The following PTPN9 variants were observed in gnomAD, a reference collection of about 807,000 sequenced individuals.
PTPN9 encodes the protein protein tyrosine phosphatase non-receptor type 9.
Under a neutral mutation model 69.8 loss-of-function variants are expected in PTPN9, and 26 were observed. The ratio of observed to expected loss-of-function variants is 0.37; its 90% confidence interval spans 0.27 to 0.52. The LOEUF is 0.52. Ranked by LOEUF, PTPN9 falls within the 20% of genes least tolerant of loss-of-function variation. PTPN9 has a pLI of 0.91. For synonymous variants in PTPN9, 274 were observed against 272.5 expected, an observed-to-expected ratio of 1.01 and a Z score of -0.05; for missense variants, 549 against 740.3, an observed-to-expected ratio of 0.74 and a Z score of 3.00.
intron 2 of PTPN9, among the ~76,000 whole-genome samples, chr15:75,525,798 G>A (rs555129253): frequency 1.3e-5 from 2 of 151,280 alleles, no homozygotes; most frequent in Admixed American, 1.3e-4. Context: ...GCATGCCTGT[G>A]GTCCCAGCTA....
Position 75,490,320 on chromosome 15 carries a change from ACAAG to A in PTPN9, c.969-23_969-20del, listed in dbSNP as rs1567477342. ...TGGAGACCTGAAGGAAACGAAACAA[ACAAG>A]CAAGAATAAAGAAAAAGTGGGGACA... On this transcript the variant is annotated intron_variant, in intron 7 of 12. Coordinates refer to ENST00000618819, the MANE Select transcript of PTPN9 (RefSeq NM_002833.4). The A allele has an allele frequency of 6.5e-7, 1 of 1,549,942 alleles. No homozygotes were observed. The highest frequency in any genetic ancestry group is 1.7e-5 in the Admixed American group (1 of 59,886).
At chr15:75,575,937 A>C (rs2141348107) in intron 1 of PTPN9, among the ~76,000 whole-genome samples, 1 of 141,982 alleles carries the variant, frequency 7.0e-6, no homozygotes, top group South Asian at 2.3e-4. Context: ...AAAAAAAAAA[A>C]AAAAGAGTAC....
chr15:75,489,760 A>G (rs1157885117), intron 8 of PTPN9, among the ~76,000 whole-genome samples: 1 of 152,224 alleles, frequency 6.6e-6, no homozygotes, highest in Non-Finnish European at 1.5e-5. Context: ...TGACCATTTC[A>G]TCTCTATCCC....
Position 75,469,910 on chromosome 15 carries a change from G to C in PTPN9, c.1449C>G (p.Phe483Leu). Residue 483 changes from phenylalanine (F) to leucine (L), a missense_variant, in exon 12 of 13, where the codon TTC becomes TTG. By Grantham distance (22) the Phe-to-Leu change is conservative (BLOSUM62 0). Transcript: ENST00000618819. ...VPSSAASLID[F>L]LRVVRNQQSL... ...TCTGCTGGTTTCTGACCACTCTCAAGAAGTCAATGAGGGAAGCTGCTGAGG... is the reference window on the plus strand; with the variant it reads ...TCTGCTGGTTTCTGACCACTCTCAACAAGTCAATGAGGGAAGCTGCTGAGG... 2 of 1,614,214 alleles carry C rather than the reference G, an allele frequency of 1.2e-6. No individual in the cohort carries two copies. Among genetic ancestry groups the C allele is most frequent in the Non-Finnish European group, 1.7e-6 (2 of 1,180,020 alleles).
chr15:75,508,039 CAAAAAAAAAA>C (rs990909256), intron 6 of PTPN9, among the ~76,000 whole-genome samples: 5 of 37,380 alleles, frequency 1.3e-4, no homozygotes, highest in Middle Eastern at 0.019. Flanking sequence ...GAGACACTCT[CAAAAAAAAAA>C]AAAAAAAAAA....
At chr15:75,532,629 A>G (rs1303743977) in intron 1 of PTPN9, among the ~76,000 whole-genome samples, 1 of 152,184 alleles carries the variant, frequency 6.6e-6, no homozygotes, top group Non-Finnish European at 1.5e-5. Context: ...AAGCACAGGA[A>G]CAATTCCTCC....
chr15:75,467,937 G>C lies in PTPN9; in HGVS notation c.*832C>G, dbSNP rs2074543714. 6.6e-6 allele frequency: 1 copy of C among 152,662 alleles called. No individual in the cohort carries two copies. Among genetic ancestry groups the C allele is most frequent in the African/African-American group, 2.4e-5 (1 of 41,466 alleles). 9.5% of individuals were successfully genotyped at this position (152,662 alleles called of 1,614,324 possible). On this transcript the variant is annotated 3_prime_UTR_variant, in exon 13 of 13. Coordinates refer to ENST00000618819, the MANE Select transcript of PTPN9 (RefSeq NM_002833.4). ...ACTAATACATTCTTGGCTCCAACAGGTGGCAACTGGAAGGAGATAAGTCAT... is the reference window on the plus strand; with the variant it reads ...ACTAATACATTCTTGGCTCCAACAGCTGGCAACTGGAAGGAGATAAGTCAT...
At position 75,565,811 on chromosome 15, in the gene PTPN9, G is replaced by A. The variant is rs142429597; in HGVS notation, c.63+12903C>T. Among the ~76,000 whole-genome samples the A allele has an allele frequency of 6.6e-5, 10 of 152,240 alleles. No individual in the cohort carries two copies. The East Asian group carries it at 1.9e-3, about 29-fold the overall frequency. On this transcript the variant is annotated intron_variant, in intron 1 of 12. Transcript: ENST00000618819. ...CCACCAGTGCACCTAAAGGTAATGT[G>A]TAACCTAGAAAGAAGAAATGAACCA...
At chr15:75,517,880 T>C (rs1476103864) in intron 4 of PTPN9, among the ~76,000 whole-genome samples, 2 of 151,094 alleles carry the variant, frequency 1.3e-5, no homozygotes, top group Non-Finnish European at 2.9e-5. Context: ...CAACAATCCC[T>C]AGCACAGCCC....
chr15:75,498,547 T>G (rs1389140964), intron 7 of PTPN9, among the ~76,000 whole-genome samples: 1 of 151,866 alleles, frequency 6.6e-6, no homozygotes, highest in Non-Finnish European at 1.5e-5. Context: ...AAACCCTGAC[T>G]GTAGTAAAAA....
At chr15:75,508,876 A>G in intron 6 of PTPN9, 41 bp downstream of exon 6, 1 of 1,421,230 alleles carries the variant, frequency 7.0e-7, no homozygotes, top group Non-Finnish European at 9.9e-7. Flanking sequence ...AATTCACTGT[A>G]TCTATTCACC....
intron 10 of PTPN9, among the ~76,000 whole-genome samples, chr15:75,471,253 T>G (rs2074563086): frequency 6.7e-6 from 1 of 150,222 alleles, no homozygotes; most frequent in African/African-American, 2.5e-5. Flanking sequence ...CTGGGTAACA[T>G]CATGAGACTC....
At chr15:75,498,200 A>AAT (rs370709844) in intron 7 of PTPN9, among the ~76,000 whole-genome samples, 13 of 151,470 alleles carry the variant, frequency 8.6e-5, no homozygotes, top group African/African-American at 1.2e-4. Flanking sequence ...ATCTCAGAGA[A>AAT]ATATATATAT....
At chr15:75,480,564 G>C in intron 8 of PTPN9, 1 of 734,554 alleles carries the variant, frequency 1.4e-6, no homozygotes, top group Non-Finnish European at 1.8e-6. Context: ...CGGCCATGGT[G>C]GCCGCGGGTG....
intron 5 of PTPN9, chr15:75,513,412 C>T (rs2074853069): frequency 4.4e-6 from 2 of 455,920 alleles, no homozygotes; most frequent in South Asian, 3.1e-5. Context: ...GCTGGGGTTT[C>T]TCCAAATCAG....
intron 1 of PTPN9, among the ~76,000 whole-genome samples, chr15:75,539,360 C>A (rs578167506): frequency 2.7e-4 from 41 of 150,480 alleles, no homozygotes; most frequent in Non-Finnish European, 4.7e-4. Flanking sequence ...GCCACCCAGG[C>A]TGGAGTGCAA....
intron 1 of PTPN9, among the ~76,000 whole-genome samples, chr15:75,549,811 C>T (rs746673522): frequency 5.9e-5 from 9 of 152,058 alleles, no homozygotes; most frequent in Non-Finnish European, 1.2e-4. Context: ...CTCGTCTCTA[C>T]TAAAATTAAA....
At chr15:75,473,969 C>A (rs2074582628) in intron 9 of PTPN9, among the ~76,000 whole-genome samples, 1 of 152,110 alleles carries the variant, frequency 6.6e-6, no homozygotes, top group Non-Finnish European at 1.5e-5. Context: ...AAACATGAAT[C>A]TGCATGTCAA....
intron 11 of PTPN9, 102 bp downstream of exon 11, chr15:75,470,578 A>G: frequency 2.1e-6 from 3 of 1,424,944 alleles, no homozygotes; most frequent in Non-Finnish European, 2.9e-6. Context: ...GAAGCAACTC[A>G]TAACTTCCCT....
Sources: allele counts gnomAD v4.1 joint callset (sites outside exome capture counted in the v4.1 genomes callset), GRCh38; gene constraint gnomAD v4.1.1; transcripts MANE v1.5; gene names NCBI Gene and HGNC (gene_info 2026-07-23, HGNC 2026-07-21).